The following MMP26 variants were observed in gnomAD, a reference collection of about 807,000 sequenced individuals.
The protein encoded by MMP26 is matrix metallopeptidase 26, also known as matrix metalloproteinase-26.
In MMP26, 33 loss-of-function variants were observed where a neutral mutation model predicts 31.0. The observed-to-expected ratio is 1.06, with a 90% confidence interval of 0.81 to 1.42. MMP26 has a LOEUF of 1.42. MMP26 is among the 40% of genes most tolerant of loss of function. The pLI is 0.00. For synonymous variants in MMP26, 122 were observed against 114.9 expected (o/e 1.06, Z -0.40); for missense variants, 347 against 316.1 (o/e 1.10, Z -0.74).
At chr11:4,860,764 C>T (rs1850142649) in intron 2 of MMP26, 1 of 238,178 alleles carries the variant, frequency 4.2e-6, no homozygotes, top group Non-Finnish European at 8.4e-6. Context: ...CATGTGATTA[C>T]CTCCCTTCTC....
At chr11:4,870,095 A>T (rs904174199) in intron 2 of MMP26, among the ~76,000 whole-genome samples, 2 of 152,094 alleles carry the variant, frequency 1.3e-5, no homozygotes. Flanking sequence ...TTGGGGAGGG[A>T]TAGCATTAGG....
At chr11:4,892,856 G>T (rs1850646799) in intron 2 of MMP26, among the ~76,000 whole-genome samples, 1 of 152,080 alleles carries the variant, frequency 6.6e-6, no homozygotes, top group South Asian at 2.1e-4. Flanking sequence ...GTTCCAATAT[G>T]AATCTCATGT....
chr11:4,958,263 T>A (rs1846471073), intron 2 of MMP26, among the ~76,000 whole-genome samples: 1 of 152,214 alleles, frequency 6.6e-6, no homozygotes, highest in Non-Finnish European at 1.5e-5. Flanking sequence ...AAGTGACAAT[T>A]TTTCGAAATA....
chr11:4,946,884 A>C (rs756376997), intron 2 of MMP26: 2 of 1,606,536 alleles, frequency 1.2e-6, no homozygotes, highest in Admixed American at 3.4e-5. Context: ...GACAAACCCA[A>C]GTCTGACATA....
At chr11:4,770,535 G>A (rs1311761700) in intron 2 of MMP26, among the ~76,000 whole-genome samples, 2 of 152,150 alleles carry the variant, frequency 1.3e-5, no homozygotes, top group East Asian at 3.9e-4. Flanking sequence ...AGATGAGACT[G>A]GTTTTATGGG....
chr11:4,831,633 A>G (rs1228160705), intron 2 of MMP26, among the ~76,000 whole-genome samples: 2 of 152,124 alleles, frequency 1.3e-5, no homozygotes, highest in Non-Finnish European at 2.9e-5. Flanking sequence ...TGGTAGACCA[A>G]TTCTATATAT....
intron 1 of MMP26, among the ~76,000 whole-genome samples, chr11:4,720,281 AT>A (rs1010477241): frequency 2.0e-5 from 3 of 152,210 alleles, no homozygotes; most frequent in Non-Finnish European, 4.4e-5. Flanking sequence ...TGTCATGCTT[AT>A]TGCTAAACAA....
chr11:4,716,977 A>C (rs558895464), intron 1 of MMP26, among the ~76,000 whole-genome samples: 1 of 152,082 alleles, frequency 6.6e-6, no homozygotes, highest in Non-Finnish European at 1.5e-5. Flanking sequence ...TTACCTCTTA[A>C]ACACTACCTT....
chr11:4,819,596 T>TTTTTA (rs1849467113), intron 2 of MMP26, among the ~76,000 whole-genome samples: 2 of 76,086 alleles, frequency 2.6e-5, no homozygotes, highest in African/African-American at 4.1e-5. Context: ...TTTTTTTTTT[T>TTTTTA]GAGACAGTGT....
chr11:4,885,047 C>G (rs1398057803), intron 2 of MMP26, among the ~76,000 whole-genome samples: 4 of 152,040 alleles, frequency 2.6e-5, no homozygotes, highest in African/African-American at 9.7e-5. Flanking sequence ...TATTAATCTT[C>G]TACTACTCAA....
chr11:4,772,020 G>A (rs1469751), intron 2 of MMP26, among the ~76,000 whole-genome samples: 49,930 of 152,008 alleles, frequency 0.33, 9,850 homozygotes, highest in African/African-American at 0.54. Flanking sequence ...GATGAGGAAG[G>A]ATAGACTACA....
chr11:4,961,519 T>C (rs1240218356), intron 2 of MMP26, among the ~76,000 whole-genome samples: 3 of 152,174 alleles, frequency 2.0e-5, no homozygotes, highest in Admixed American at 6.6e-5. Flanking sequence ...TAAAATTAAG[T>C]CCACAAGTTC....
rs750726928 is a variant in MMP26, at chr11:4,848,836, C to T, written c.-145+81495C>T. On this transcript the variant is annotated intron_variant, in intron 2 of 7. Coordinates refer to ENST00000380390, the MANE Select transcript of MMP26 (RefSeq NM_021801.5). The stretch of plus-strand genomic sequence containing the variant: ...GCCAGTGCCCGATCAATGGACATGG[C>T]GAGCAAGACAGAGGACTCCATGACA... 20 of 1,613,918 alleles carry T rather than the reference C, an allele frequency of 1.2e-5. No homozygotes were observed. The highest frequency in any genetic ancestry group is 1.7e-5 in the Admixed American group (1 of 59,984).
chr11:4,711,437 C>A (rs1466420681), intron 1 of MMP26: 13 of 152,286 alleles, frequency 8.5e-5, no homozygotes, highest in Admixed American at 8.5e-4. Context: ...CACTTTCTTG[C>A]ATTTTATAAA....
chr11:4,845,589 C>CAAATAGGATCACATTAAGTTA, intron 2 of MMP26, among the ~76,000 whole-genome samples: 2 of 152,092 alleles, frequency 1.3e-5, no homozygotes, highest in South Asian at 4.2e-4. Context: ...CAAAAATGGA[C>CAAATAGGATCACATTAAGTTA]AAATAGGATC....
At chr11:4,906,987 T>C (rs1479150801) in intron 2 of MMP26, among the ~76,000 whole-genome samples, 2 of 151,330 alleles carry the variant, frequency 1.3e-5, no homozygotes, top group Non-Finnish European at 2.9e-5. Flanking sequence ...TCCCAGCTAC[T>C]TGGGAGGCTG....
chr11:4,801,499 G>A lies in MMP26; in HGVS notation c.-145+34158G>A, dbSNP rs112046043. On this transcript the variant is annotated intron_variant, in intron 2 of 7. Transcript: ENST00000380390. ...GAGAGAAGGGGGAGGGGGAGGTCCC[G>A]GACTTTTTATTTATTTATTTATTTA... Among the ~76,000 whole-genome samples the A allele has an allele frequency of 5.0e-3, 724 of 146,252 alleles. 6 individuals are homozygous for A. Among genetic ancestry groups the A allele is most frequent in the African/African-American group, 0.016 (640 of 39,968 alleles).
At chr11:4,907,467 T>A in intron 2 of MMP26, 1 of 1,613,876 alleles carries the variant, frequency 6.2e-7, no homozygotes. Context: ...CCCATTTGCC[T>A]CATGTACCTG....
intron 1 of MMP26, among the ~76,000 whole-genome samples, chr11:4,727,678 CG>C (rs1214486087): frequency 6.6e-6 from 1 of 152,058 alleles, no homozygotes; most frequent in Non-Finnish European, 1.5e-5. Context: ...GGCATGGTGG[CG>C]GGCGCCTGTA....
Sources: gnomAD v4.1 joint callset for allele counts (sites outside exome capture counted in the v4.1 genomes callset) on GRCh38, gnomAD v4.1.1 for gene constraint, MANE v1.5 for transcripts, NCBI Gene and HGNC (gene_info 2026-07-23, HGNC 2026-07-21) for gene names.